Variants in FKBP9 observed in about 807,000 individuals in gnomAD.
The protein encoded by FKBP9 is FKBP prolyl isomerase 9.
Under a neutral mutation model 55.6 loss-of-function variants are expected in FKBP9, and 27 were observed. The ratio of observed to expected loss-of-function variants is 0.49; its 90% CI spans 0.36 to 0.67. FKBP9 has a LOEUF of 0.67. Ranked by LOEUF, FKBP9 falls within the 30% of genes least tolerant of loss-of-function variation. FKBP9 has a pLI of 0.00. For missense variants in FKBP9, 539 were observed against 742.8 expected (o/e 0.73, Z 3.19); for synonymous variants, 267 against 296.5 (o/e 0.90, Z 1.02).
Position 32,980,564 on chromosome 7 carries a change from G to T in FKBP9, c.893+11G>T, listed in dbSNP as rs377017566. 57 of 1,611,964 alleles carry T rather than the reference G, an allele frequency of 3.5e-5. No homozygotes were observed. Among genetic ancestry groups the T allele is most frequent in the African/African-American group, 1.9e-4 (14 of 74,946 alleles). ...CCTCTTTGATTCCAGGTAAGGAAAT[G>T]ATTAAAGTCTTCAATTGCCAGAACA... On this transcript the variant is annotated intron_variant, in intron 5 of 9. Coordinates refer to ENST00000242209, the MANE Select transcript of FKBP9 (RefSeq NM_007270.5).
At chr7:32,974,861 G>T in intron 2 of FKBP9, 99 bp downstream of exon 2, 2 of 1,170,188 alleles carry the variant, frequency 1.7e-6, no homozygotes, top group East Asian at 4.7e-5. Context: ...GGAAGCTTTA[G>T]ATTGGGGGAA....
chr7:32,971,612 C>G (rs1253814780), intron 1 of FKBP9, among the ~76,000 whole-genome samples: 1 of 152,168 alleles, frequency 6.6e-6, no homozygotes, highest in African/African-American at 2.4e-5. Context: ...TCCCAAGTAG[C>G]TGGGACCACA....
intron 6 of FKBP9, among the ~76,000 whole-genome samples, chr7:32,995,269 G>GT (rs573303023): frequency 0.028 from 4,217 of 152,168 alleles, 78 homozygotes; most frequent in Non-Finnish European, 0.042. Flanking sequence ...ACCTGAGTTG[G>GT]TTTTTTTATA....
chr7:32,990,646 A>G (rs995782566), intron 6 of FKBP9, among the ~76,000 whole-genome samples: 2 of 152,244 alleles, frequency 1.3e-5, no homozygotes, highest in Non-Finnish European at 2.9e-5. Flanking sequence ...TCTTCACCTA[A>G]TTTGTGGTGA....
At chr7:32,979,319 G>A (rs2953561) in intron 4 of FKBP9, among the ~76,000 whole-genome samples, 1 of 152,150 alleles carries the variant, frequency 6.6e-6, no homozygotes, top group East Asian at 1.9e-4. Flanking sequence ...TACTTTTAAG[G>A]CTTTCATTTT....
intron 8 of FKBP9, among the ~76,000 whole-genome samples, chr7:33,002,321 T>C (rs1446978085): frequency 6.6e-6 from 1 of 152,158 alleles, no homozygotes; most frequent in Admixed American, 6.5e-5. Flanking sequence ...TTTGTAGAGA[T>C]GGAGTTTCAC....
At chr7:33,001,854 T>C (rs920359652) in intron 8 of FKBP9, 1 of 150,866 alleles carries the variant, frequency 6.6e-6, no homozygotes, top group Admixed American at 6.6e-5. Flanking sequence ...GCTTTCAAAC[T>C]TTTTTCCACA....
At position 32,974,701 on chromosome 7, in the gene FKBP9, C is replaced by T. The variant is rs772890996; in HGVS notation, c.306C>T (p.Cys102=). 1.7e-5 allele frequency: 27 copies of T among 1,613,744 alleles called. No individual in the cohort carries two copies. The Admixed American group carries it at 2.5e-4, about 15-fold the overall frequency. ...TGGACCAGGCTCTTGTTGGGATGTGCGTAAACGAGAGACGTTTCGTGAAGA... is the reference window on the plus strand; with the variant it reads ...TGGACCAGGCTCTTGTTGGGATGTGTGTAAACGAGAGACGTTTCGTGAAGA... ...TGMDQALVGM[C]VNERRFVKIP... The change falls in exon 2 of 10, where the codon TGC becomes TGT. Residue 102 remains cysteine, a synonymous_variant. Coordinates refer to ENST00000242209, the MANE Select transcript of FKBP9 (RefSeq NM_007270.5).
At chr7:32,967,831 C>T (rs1458800691) in intron 1 of FKBP9, among the ~76,000 whole-genome samples, 1 of 151,082 alleles carries the variant, frequency 6.6e-6, no homozygotes, top group African/African-American at 2.4e-5. Flanking sequence ...CTCAGCTCAT[C>T]GCAACCTCCG....
rs963431510 is a variant in FKBP9 at position 33,005,960 on chromosome 7, A to T, written c.*609A>T. ...CCGCCCCACTATGGGCCTACCATTAATAGTGTATAACTTGGAGGTTAAAAG... is the reference window on the plus strand; with the variant it reads ...CCGCCCCACTATGGGCCTACCATTATTAGTGTATAACTTGGAGGTTAAAAG... On this transcript the variant is annotated 3_prime_UTR_variant, in exon 10 of 10. Transcript: ENST00000242209. The T allele has an allele frequency of 2.2e-5, 5 of 231,846 alleles. No individual in the cohort carries two copies. The highest frequency in any genetic ancestry group is 4.3e-5 in the Non-Finnish European group (5 of 117,330). 14.4% of individuals were successfully genotyped at this position (231,846 alleles called of 1,614,324 possible).
At chr7:33,004,384 T>TCC (rs1784993067) in intron 9 of FKBP9, among the ~76,000 whole-genome samples, 2 of 152,122 alleles carry the variant, frequency 1.3e-5, no homozygotes, top group Admixed American at 1.3e-4. Context: ...GCCGGCTGTC[T>TCC]CCCTCTGCCC....
At position 32,959,106 on chromosome 7, in the gene FKBP9, T is replaced by TA. The variant is rs548884526; in HGVS notation, c.221+1324dup. ...ATTCTTACTACCATTTTAGTTACTT[T>TA]AAAAAAAAAAAACAACAGGCCGGGC... On this transcript the variant is annotated intron_variant, in intron 1 of 9. Coordinates refer to ENST00000242209, the MANE Select transcript of FKBP9 (RefSeq NM_007270.5). Among the ~76,000 whole-genome samples, 991 of 144,338 alleles carry TA rather than the reference T, an allele frequency of 6.9e-3. 10 individuals carry two copies. Among genetic ancestry groups the TA allele is most frequent in the East Asian group, 0.05 (253 of 5,030 alleles). 94.7% of individuals were successfully genotyped at this position (144,338 alleles called of 152,430 possible).
rs1784077895 is a variant in FKBP9 at position 32,963,827 on chromosome 7, C to T, written c.221+6033C>T. On this transcript the variant is annotated intron_variant, in intron 1 of 9. Transcript: ENST00000242209. ...CTCTGGGATCCAGCACCAGCGCCGA[C>T]AAACTGGACTTTCTCACTTCTAGGT... The T allele has an allele frequency of 3.6e-6, 4 of 1,113,392 alleles. No homozygotes were observed. In the East Asian group the frequency reaches 1.3e-4, roughly 36 times the overall value. 69.0% of individuals were successfully genotyped at this position (1,113,392 alleles called of 1,614,324 possible).
intron 7 of FKBP9, among the ~76,000 whole-genome samples, chr7:32,999,065 G>T (rs1041939911): frequency 3.3e-5 from 5 of 152,176 alleles, no homozygotes; most frequent in African/African-American, 1.2e-4. Flanking sequence ...AGAAAGGCAG[G>T]CAGTGAGAGT....
chr7:32,991,539 A>G (rs1784682449), intron 6 of FKBP9, among the ~76,000 whole-genome samples: 1 of 152,166 alleles, frequency 6.6e-6, no homozygotes. Context: ...AGGGCCAGGC[A>G]CATTGTGAAT....
chr7:32,980,361 T>A lies in FKBP9; in HGVS notation c.704-3T>A. On this transcript the variant is annotated splice_polypyrimidine_tract_variant and splice_region_variant and intron_variant, in intron 4 of 9. Coordinates refer to ENST00000242209, the MANE Select transcript of FKBP9 (RefSeq NM_007270.5). ...TTAATCATCTTCTCCCATTCCATTC[T>A]AGGGAAAGACATTCCCGGTCAGGCA... is the stretch of plus-strand genomic sequence containing the variant. 6.2e-7 allele frequency: 1 copy of A among 1,608,480 alleles called. No individual in the cohort carries two copies.
chr7:32,982,422 A>G (rs1163461748), intron 5 of FKBP9, among the ~76,000 whole-genome samples: 4 of 152,192 alleles, frequency 2.6e-5, no homozygotes, highest in Admixed American at 2.6e-4. Context: ...CTAGGGAACA[A>G]GGTGGTGTTC....
intron 1 of FKBP9, among the ~76,000 whole-genome samples, chr7:32,961,728 G>A (rs867433866): frequency 1.3e-5 from 2 of 151,694 alleles, no homozygotes; most frequent in African/African-American, 4.8e-5. Context: ...CCTCCTGTCA[G>A]ATCAGGAGGG....
chr7:32,972,713 C>A (rs904877244), intron 1 of FKBP9, among the ~76,000 whole-genome samples: 1 of 152,018 alleles, frequency 6.6e-6, no homozygotes, highest in Non-Finnish European at 1.5e-5. Flanking sequence ...ACTGTGTTAA[C>A]CTGTTCCCCC....
Sources: gnomAD v4.1 joint callset for allele counts (sites outside exome capture counted in the v4.1 genomes callset) on GRCh38, gnomAD v4.1.1 for gene constraint, MANE v1.5 for transcripts, NCBI Gene and HGNC (gene_info 2026-07-23, HGNC 2026-07-21) for gene names.